EFCAB8: variants seen among roughly 807,000 people sequenced by gnomAD.
EFCAB8 encodes EF-hand calcium-binding domain-containing protein 8.
A neutral mutation model predicts 116.3 loss-of-function variants in EFCAB8; 100 were observed. The observed-to-expected ratio is 0.86, with a 90% CI of 0.73 to 1.02. EFCAB8 has a LOEUF of 1.02. EFCAB8 is among the 50% of genes least tolerant of loss of function. EFCAB8 has a pLI of 0.00. For missense variants in EFCAB8, 1,320 were observed against 1,416.9 expected (o/e 0.93, Z 1.10); for synonymous variants, 558 against 567.9 (o/e 0.98, Z 0.25).
intron 24 of EFCAB8, among the ~76,000 whole-genome samples, chr20:32,959,487 A>G (rs1989073839): frequency 2.0e-5 from 3 of 152,206 alleles, no homozygotes; most frequent in Admixed American, 2.0e-4. Flanking sequence ...AGACATGTTT[A>G]AATAGTCCAC....
At chr20:32,932,094 G>C (rs868225061) in intron 22 of EFCAB8, among the ~76,000 whole-genome samples, 1 of 152,032 alleles carries the variant, frequency 6.6e-6, no homozygotes, top group Non-Finnish European at 1.5e-5. Context: ...TTATTCAGTG[G>C]TGGGCCGGGC....
chr20:32,959,776 A>G lies in EFCAB8; in HGVS notation c.3090-2A>G. The G allele has an allele frequency of 6.8e-7, 1 of 1,480,746 alleles. No homozygotes were observed. 91.7% of individuals were successfully genotyped at this position (1,480,746 alleles called of 1,614,324 possible). On this transcript the variant is annotated splice_acceptor_variant, in intron 24 of 26. Transcript: ENST00000400522. LOFTEE classifies it high-confidence loss of function. The stretch of plus-strand genomic sequence containing the variant: ...TCTTGTGAAGGAAAGCCCCCACACT[A>G]GGGAGCAGCGGGATCTGGCTGAGGC...
At position 32,909,805 on chromosome 20, in the gene EFCAB8, C is replaced by T. The variant is rs1986834934; in HGVS notation, c.1447-16C>T. 1 of 1,230,922 alleles carries T rather than the reference C, an allele frequency of 8.1e-7. No individual in the cohort carries two copies. Among genetic ancestry groups the T allele is most frequent in the Non-Finnish European group, 1.0e-6 (1 of 971,028 alleles). The allele number at this position is 1,230,922 out of a possible 1,614,324, so 76.2% of individuals were successfully genotyped here. On this transcript the variant is annotated splice_polypyrimidine_tract_variant and intron_variant, in intron 14 of 26. Coordinates refer to ENST00000400522, the MANE Select transcript of EFCAB8 (RefSeq NM_001143967.2). The stretch of plus-strand genomic sequence containing the variant: ...CTTCTGACAGACAAGCTCTCTGCCC[C>T]TTTCCTCACCTACAGATCGGGATCC...
chr20:32,880,566 C>T lies in EFCAB8; in HGVS notation c.431+1759C>T, dbSNP rs558339161. On this transcript the variant is annotated intron_variant, in intron 5 of 26. Coordinates refer to ENST00000400522, the MANE Select transcript of EFCAB8 (RefSeq NM_001143967.2). ...GATTATAGGTGTGAGCCACTGTACC[C>T]GGCAATAACTTAAAACAAAATTTTG... is the stretch of plus-strand genomic sequence containing the variant. Among the ~76,000 whole-genome samples, 7 of 152,080 alleles carry T rather than the reference C, an allele frequency of 4.6e-5. No homozygotes were observed. The South Asian group carries it at 8.3e-4, about 18-fold the overall frequency.
In EFCAB8 at chr20:32,918,424, G is replaced by A. The variant is rs1263123269; in HGVS notation, c.2124G>A (p.Arg708=). The change falls in exon 19 of 27, where the codon CGG becomes CGA. Residue 708 remains arginine, a synonymous_variant. Transcript: ENST00000400522. ...SHRPSRPYVE[R]EKWTYKTSRK... is the part of the protein sequence containing the mutation. ...GGCCCAGCAGACCCTATGTGGAGCG[G>A]GAGAAGTGGACATACAAGACCTCCA... 6 of 1,551,626 alleles carry A rather than the reference G, an allele frequency of 3.9e-6. No homozygotes were observed. Among genetic ancestry groups the A allele is most frequent in the Non-Finnish European group, 4.4e-6 (5 of 1,147,008 alleles).
chr20:32,911,723 C>A lies in EFCAB8; in HGVS notation c.1785+16C>A. 1 of 1,550,924 alleles carries A rather than the reference C, an allele frequency of 6.4e-7. No homozygotes were observed. The highest frequency in any genetic ancestry group is 1.2e-5 in the South Asian group (1 of 83,932). ...ACAGCTGGAGGTCAGTCTTGCTTGT[C>A]AATTACAGCCAGGGACGGCCTCTTG... On this transcript the variant is annotated intron_variant, in intron 16 of 26. Coordinates refer to ENST00000400522, the MANE Select transcript of EFCAB8 (RefSeq NM_001143967.2).
intron 3 of EFCAB8, among the ~76,000 whole-genome samples, chr20:32,869,664 C>T (rs1321377520): frequency 2.0e-5 from 3 of 152,132 alleles, no homozygotes; most frequent in Non-Finnish European, 2.9e-5. Context: ...GGGAGGGGAT[C>T]GAAGGAGGGA....
At chr20:32,931,359 G>A in intron 22 of EFCAB8, 23 bp downstream of exon 22, 1 of 1,512,110 alleles carries the variant, frequency 6.6e-7, no homozygotes, top group African/African-American at 1.4e-5. Flanking sequence ...CTGGAGAGTT[G>A]CTCAGGAAAG....
chr20:32,934,949 A>G (rs572740577), intron 22 of EFCAB8, among the ~76,000 whole-genome samples: 1 of 152,288 alleles, frequency 6.6e-6, no homozygotes, highest in South Asian at 2.1e-4. Context: ...CCAACATTGT[A>G]CAAGGGTTTT....
intron 10 of EFCAB8, among the ~76,000 whole-genome samples, chr20:32,897,133 C>T (rs1986197633): frequency 6.6e-6 from 1 of 152,122 alleles, no homozygotes; most frequent in Admixed American, 6.5e-5. Flanking sequence ...ACCTGTATTC[C>T]CCCTATCTAC....
chr20:32,939,650 G>T lies in EFCAB8; in HGVS notation c.2791-3986G>T, dbSNP rs1387639347. Among the ~76,000 whole-genome samples, 3 of 132,504 alleles carry T rather than the reference G, an allele frequency of 2.3e-5. 1 individual carries two copies. Among genetic ancestry groups the T allele is most frequent in the Admixed American group, 7.6e-5 (1 of 13,138 alleles). 86.9% of individuals were successfully genotyped at this position (132,504 alleles called of 152,430 possible). ...CCCTTCCTCCCTCCTTTCTCTCTCT[G>T]TCTCTCTTTTTCTTTTTTTCTCCCT... On this transcript the variant is annotated intron_variant, in intron 22 of 26. Coordinates refer to ENST00000400522, the MANE Select transcript of EFCAB8 (RefSeq NM_001143967.2).
chr20:32,930,631 G>T lies in EFCAB8; in HGVS notation c.2631+15G>T. ...GATACATCAAGGTGAGGAAGAACTGGCAGGAAGATTGAGGGGCTGGTGCCA... is the reference window on the plus strand; with the variant it reads ...GATACATCAAGGTGAGGAAGAACTGTCAGGAAGATTGAGGGGCTGGTGCCA... On this transcript the variant is annotated intron_variant, in intron 21 of 26. Coordinates refer to ENST00000400522, the MANE Select transcript of EFCAB8 (RefSeq NM_001143967.2). The T allele has an allele frequency of 6.4e-7, 1 of 1,551,142 alleles. No individual in the cohort carries two copies. Among genetic ancestry groups the T allele is most frequent in the Non-Finnish European group, 8.7e-7 (1 of 1,146,418 alleles).
chr20:32,887,804 G>A (rs1985708519), intron 6 of EFCAB8, among the ~76,000 whole-genome samples: 1 of 152,214 alleles, frequency 6.6e-6, no homozygotes, highest in Non-Finnish European at 1.5e-5. Context: ...AGCTCCTACT[G>A]AGTGCTGGGC....
In EFCAB8 at chr20:32,959,947, G is replaced by A. The variant is rs1989090343; in HGVS notation, c.3259G>A (p.Asp1087Asn). Residue 1087 changes from aspartate to asparagine, a missense_variant, in exon 25 of 27, where the codon GAC becomes AAC. Transcript: ENST00000400522. Reference protein sequence around the residue: ...AGERPLEDIEDSWNKWESRDK... With the variant: ...AGERPLEDIENSWNKWESRDK... Reference sequence around the variant, plus strand: ...AGAGCGCCCCCTGGAAGACATTGAGGACAGCTGGAACAAGTGGGAGTCCAG... The same window carrying A: ...AGAGCGCCCCCTGGAAGACATTGAGAACAGCTGGAACAAGTGGGAGTCCAG... 1 of 1,551,696 alleles carries A rather than the reference G, an allele frequency of 6.4e-7. No homozygotes were observed. Among genetic ancestry groups the A allele is most frequent in the African/African-American group, 1.4e-5 (1 of 73,160 alleles).
At chr20:32,862,567 C>G (rs539950978) in intron 1 of EFCAB8, among the ~76,000 whole-genome samples, 43 of 152,284 alleles carry the variant, frequency 2.8e-4, no homozygotes, top group Non-Finnish European at 5.7e-4. Context: ...CAAGACACTG[C>G]TAGATTAGAG....
chr20:32,935,188 C>CTTTTTTTTTTTTTTTTTT (rs754022404), intron 22 of EFCAB8, among the ~76,000 whole-genome samples: 25 of 66,912 alleles, frequency 3.7e-4, no homozygotes, highest in African/African-American at 9.3e-4. Context: ...TTCTTTCTTT[C>CTTTTTTTTTTTTTTTTTT]TTTCTTTTTT....
chr20:32,899,235 T>C (rs1347358889), intron 11 of EFCAB8, among the ~76,000 whole-genome samples: 1 of 149,494 alleles, frequency 6.7e-6, no homozygotes, highest in African/African-American at 2.5e-5. Flanking sequence ...AATACAATAA[T>C]AATAATAATA....
chr20:32,940,003 GCCTC>G lies in EFCAB8; in HGVS notation c.2791-3613_2791-3610del, dbSNP rs1297312082. Among the ~76,000 whole-genome samples the G allele has an allele frequency of 1.2e-3, 72 of 58,000 alleles. 14 individuals are homozygous for G. Among genetic ancestry groups the G allele is most frequent in the African/African-American group, 5.7e-3 (68 of 11,936 alleles). 38.1% of individuals were successfully genotyped at this position (58,000 alleles called of 152,430 possible). ...AGCCACTGTGCCTGCCTGCCTGCCT[GCCTC>G]CCTCCCTCCCTCCCTCCCTTCCTTC... On this transcript the variant is annotated intron_variant, in intron 22 of 26. Coordinates refer to ENST00000400522, the MANE Select transcript of EFCAB8 (RefSeq NM_001143967.2).
At chr20:32,900,562 A>G (rs1986375709) in intron 11 of EFCAB8, among the ~76,000 whole-genome samples, 1 of 147,898 alleles carries the variant, frequency 6.8e-6, no homozygotes, top group African/African-American at 2.5e-5. Context: ...TTTAATTTTT[A>G]TTATTTTTAT....
Sources: allele counts gnomAD v4.1 joint callset (sites outside exome capture counted in the v4.1 genomes callset), GRCh38; gene constraint gnomAD v4.1.1; transcripts MANE v1.5; gene names NCBI Gene and HGNC (gene_info 2026-07-23, HGNC 2026-07-21).